PTPRN2: variants seen among roughly 807,000 people sequenced by gnomAD.
The protein encoded by PTPRN2 is protein tyrosine phosphatase receptor type N2.
In PTPRN2, 74 loss-of-function variants were observed where a neutral mutation model predicts 118.8. That is an observed-to-expected ratio of 0.62 (90% CI 0.52 to 0.76). The LOEUF (loss-of-function observed/expected upper bound fraction) is 0.76, where lower values mean the gene tolerates loss of function less well. Ranked by LOEUF, PTPRN2 falls within the 30% of genes least tolerant of loss-of-function variation. The pLI, the probability that PTPRN2 is intolerant of heterozygous loss-of-function variation, is 0.00. For synonymous variants in PTPRN2, 641 were observed against 608.0 expected, an observed-to-expected ratio of 1.05 and a Z score of -0.80; for missense variants, 1,481 against 1,394.4, an observed-to-expected ratio of 1.06 and a Z score of -0.99.
chr7:158,085,857 CACGACGCCCATCCACACCT>C (rs1563413577), intron 10 of PTPRN2, among the ~76,000 whole-genome samples: 11 of 139,464 alleles, frequency 7.9e-5, no homozygotes, highest in Admixed American at 2.2e-4. Context: ...CATCCACACC[CACGACGCCCATCCACACCT>C]ACGACGCCCA....
rs908725864 is a variant in PTPRN2, at chr7:158,236,802, G to A, written c.278-31529C>T. Among the ~76,000 whole-genome samples, 22 of 8,960 alleles carry A rather than the reference G, an allele frequency of 2.5e-3. 10 individuals are homozygous for A. The highest frequency in any genetic ancestry group is 0.02 in the African/African-American group (22 of 1,088). 5.9% of individuals were successfully genotyped at this position (8,960 alleles called of 152,430 possible). On this transcript the variant is annotated intron_variant, in intron 3 of 22. Transcript: ENST00000389418. ...CCCGACCACTCTGCTGTGGGGAAAA[G>A]CAAGAGAGATCAGATTGTTACTGTG...
In PTPRN2 at chr7:157,990,090, G is replaced by A. The variant is rs1248095107; in HGVS notation, c.1723+91208C>T. ...CCTCCATCCCTCTATGAAGAAAAAT[G>A]CAAGTTGCTCTTCTGCGCTCCAAAT... On this transcript the variant is annotated intron_variant, in intron 11 of 22. Transcript: ENST00000389418. This position sits in a 1 kb window ranked among gnomAD's most constrained non-coding sequence, Gnocchi z 4.3. 1.3e-5 allele frequency among the ~76,000 whole-genome samples: 2 copies of A among 152,058 alleles called. No individual in the cohort carries two copies. The highest frequency in any genetic ancestry group is 2.9e-5 in the Non-Finnish European group (2 of 68,008).
chr7:158,225,021 CCA>C, intron 3 of PTPRN2, among the ~76,000 whole-genome samples: 1 of 152,030 alleles, frequency 6.6e-6, no homozygotes, highest in Admixed American at 6.6e-5. Context: ...TGAGATGCCA[CCA>C]CACACCTATC....
intron 2 of PTPRN2, among the ~76,000 whole-genome samples, chr7:158,479,418 C>A (rs554193500): frequency 1.3e-5 from 2 of 152,142 alleles, no homozygotes; most frequent in Non-Finnish European, 2.9e-5. Context: ...GCAGAGTGAA[C>A]GCTTCCGTTG....
At chr7:157,658,187 G>T (rs915160790) in intron 13 of PTPRN2, among the ~76,000 whole-genome samples, 8 of 152,232 alleles carry the variant, frequency 5.3e-5, no homozygotes, top group African/African-American at 1.9e-4. Context: ...CCACAGGGGA[G>T]GCCGGGGGCG....
intron 1 of PTPRN2, among the ~76,000 whole-genome samples, chr7:158,507,591 G>A (rs1034557455): frequency 6.5e-5 from 9 of 139,468 alleles, no homozygotes; most frequent in Non-Finnish European, 1.2e-4. Context: ...TTGCACACAC[G>A]AAGGTCAGTG....
Position 157,671,384 on chromosome 7 carries a change from G to A in PTPRN2, c.2001+11341C>T, listed in dbSNP as rs1476703063. 1.3e-5 allele frequency among the ~76,000 whole-genome samples: 2 copies of A among 152,206 alleles called. No homozygotes were observed. Among genetic ancestry groups the A allele is most frequent in the Non-Finnish European group, 2.9e-5 (2 of 68,046 alleles). On this transcript the variant is annotated intron_variant, in intron 13 of 22. Coordinates refer to ENST00000389418, the MANE Select transcript of PTPRN2 (RefSeq NM_002847.5). This position sits in a 1 kb window ranked among gnomAD's most constrained non-coding sequence, Gnocchi z 4.1. The stretch of plus-strand genomic sequence containing the variant: ...AGACGTCACCGCAGAGGCGGCAGAA[G>A]GGATAAAGGGGAGGTAGGGATGAAT...
At position 157,562,131 on chromosome 7, in the gene PTPRN2, G is replaced by C. The variant is rs1799223283; in HGVS notation, c.2902+6771C>G. On this transcript the variant is annotated intron_variant, in intron 21 of 22. Coordinates refer to ENST00000389418, the MANE Select transcript of PTPRN2 (RefSeq NM_002847.5). Reference sequence around the variant, plus strand: ...GGAGGCAGAGTGGCCCACCAAGGGGGATCGGCAGTGGCCAGGTTGCCCAGG... The same window carrying C: ...GGAGGCAGAGTGGCCCACCAAGGGGCATCGGCAGTGGCCAGGTTGCCCAGG... Among the ~76,000 whole-genome samples, 3 of 152,202 alleles carry C rather than the reference G, an allele frequency of 2.0e-5. No homozygotes were observed. In the South Asian group the frequency reaches 6.2e-4, roughly 32 times the overall value.
chr7:157,563,307 C>T (rs1249048637), intron 21 of PTPRN2, among the ~76,000 whole-genome samples: 4 of 129,506 alleles, frequency 3.1e-5, no homozygotes, highest in African/African-American at 6.0e-5. Context: ...ATCAGGACCA[C>T]GTGCTCCCGC....
intron 2 of PTPRN2, among the ~76,000 whole-genome samples, chr7:158,330,876 T>C (rs139025502): frequency 0.017 from 505 of 28,898 alleles, 4 homozygotes; most frequent in Middle Eastern, 0.036. Flanking sequence ...GCAGACGTCA[T>C]TCACACCCAA....
intron 14 of PTPRN2, among the ~76,000 whole-genome samples, chr7:157,628,900 G>A (rs1004034872): frequency 2.0e-5 from 3 of 152,150 alleles, no homozygotes; most frequent in African/African-American, 7.2e-5. Flanking sequence ...CTTTTTTGAA[G>A]AGGGAAATAT....
At chr7:158,541,840 T>G (rs73510542) in intron 1 of PTPRN2, 2 of 650,968 alleles carry the variant, frequency 3.1e-6, no homozygotes, top group Non-Finnish European at 3.8e-6. Flanking sequence ...GCACCACGCA[T>G]GCGCATCACA....
At chr7:157,574,813 T>C (rs1799939600) in intron 19 of PTPRN2, among the ~76,000 whole-genome samples, 1 of 152,230 alleles carries the variant, frequency 6.6e-6, no homozygotes, top group Non-Finnish European at 1.5e-5. Flanking sequence ...CGGCAATGCT[T>C]GTCTAAGTGT....
At chr7:158,514,438 G>A (rs1194720421) in intron 1 of PTPRN2, among the ~76,000 whole-genome samples, 1 of 152,168 alleles carries the variant, frequency 6.6e-6, no homozygotes, top group African/African-American at 2.4e-5. Flanking sequence ...TGGCAGGGGT[G>A]TTCCTCAGAT....
chr7:157,713,921 G>A (rs1294827825), intron 12 of PTPRN2, among the ~76,000 whole-genome samples: 1 of 152,186 alleles, frequency 6.6e-6, no homozygotes, highest in African/African-American at 2.4e-5. Context: ...CCTTCACGAA[G>A]GAGCGGAAAT....
At chr7:157,581,744 T>G (rs1384429618) in intron 17 of PTPRN2, among the ~76,000 whole-genome samples, 1 of 152,252 alleles carries the variant, frequency 6.6e-6, no homozygotes, top group Non-Finnish European at 1.5e-5. Flanking sequence ...TCCCCACAGC[T>G]TATATTGACG....
At chr7:158,387,339 C>T (rs1381767601) in intron 2 of PTPRN2, among the ~76,000 whole-genome samples, 2 of 152,354 alleles carry the variant, frequency 1.3e-5, no homozygotes, top group Non-Finnish European at 1.5e-5. Context: ...GAGGGCTCAT[C>T]CTGCACCACA....
chr7:157,615,289 C>T lies in PTPRN2; in HGVS notation c.2344+6073G>A, dbSNP rs1802685606. The T allele has an allele frequency of 8.2e-6, 3 of 364,396 alleles. No individual in the cohort carries two copies. The highest frequency in any genetic ancestry group is 1.1e-5 in the Non-Finnish European group (2 of 178,330). 22.6% of individuals were successfully genotyped at this position (364,396 alleles called of 1,614,324 possible). A position where few individuals can be genotyped will look rare whatever the true frequency, so the allele number is the denominator to read the frequency against. On this transcript the variant is annotated intron_variant, in intron 15 of 22. Coordinates refer to ENST00000389418, the MANE Select transcript of PTPRN2 (RefSeq NM_002847.5). The surrounding 1 kb of genome is among the most constrained non-coding windows in gnomAD (Gnocchi z 4.3). Reference sequence around the variant, plus strand: ...CACTTCTGCTCCAGAGAGGGCCCTGCAAGAGCGGTGTGCGTGGGTTGCGGC... The same window carrying T: ...CACTTCTGCTCCAGAGAGGGCCCTGTAAGAGCGGTGTGCGTGGGTTGCGGC...
Position 157,804,872 on chromosome 7 carries a change from G to C in PTPRN2, c.1788+93801C>G, listed in dbSNP as rs74580994. On this transcript the variant is annotated intron_variant, in intron 12 of 22. Transcript: ENST00000389418. ...GCAGGTCTAGGCCTCACTCACGAGA[G>C]AAGGCTGGTTTTATCCACTGTGTGT... 4.1e-3 allele frequency among the ~76,000 whole-genome samples: 622 copies of C among 152,328 alleles called. 3 individuals are homozygous for C. The highest frequency in any genetic ancestry group is 0.014 in the African/African-American group (572 of 41,572).
Sources: allele counts gnomAD v4.1 joint callset (sites outside exome capture counted in the v4.1 genomes callset), GRCh38; gene constraint gnomAD v4.1.1; non-coding constraint Gnocchi (gnomAD v3.1); transcripts MANE v1.5; gene names NCBI Gene and HGNC (gene_info 2026-07-23, HGNC 2026-07-21).